GPC6: variants seen among roughly 807,000 people sequenced by gnomAD.
GPC6 encodes the protein glypican 6, also known as glypican-6.
In GPC6, 14 loss-of-function variants were observed where a neutral mutation model predicts 55.2. The ratio of observed to expected loss-of-function variants is 0.25; its 90% CI spans 0.17 to 0.40. The LOEUF (loss-of-function observed/expected upper bound fraction) is 0.40. Among genes scored for constraint, GPC6 ranks in the 10% least tolerant of loss-of-function variants. The pLI is 1.00. For synonymous variants in GPC6, 278 were observed against 259.6 expected, an observed-to-expected ratio of 1.07 and a Z score of -0.68; for missense variants, 641 against 708.5, an observed-to-expected ratio of 0.90 and a Z score of 1.08.
intron 1 of GPC6, among the ~76,000 whole-genome samples, chr13:93,506,178 T>C (rs2139377737): frequency 6.6e-6 from 1 of 152,220 alleles, no homozygotes; most frequent in Non-Finnish European, 1.5e-5. Context: ...CCCACTTCTA[T>C]CATTAATGAA....
At chr13:94,077,485 A>G (rs4771887) in intron 4 of GPC6, among the ~76,000 whole-genome samples, 35,764 of 151,338 alleles carry the variant, frequency 0.24, 4,899 homozygotes, top group African/African-American at 0.37. Context: ...GTTTAATTGC[A>G]CTGGCTAAGA....
intron 4 of GPC6, among the ~76,000 whole-genome samples, chr13:94,029,734 A>G (rs1288356690): frequency 6.6e-6 from 1 of 152,194 alleles, no homozygotes; most frequent in African/African-American, 2.4e-5. Flanking sequence ...GAATGAGAAT[A>G]TAGGCTTTTT....
At chr13:93,669,033 C>A (rs1881254299) in intron 2 of GPC6, among the ~76,000 whole-genome samples, 2 of 152,168 alleles carry the variant, frequency 1.3e-5, no homozygotes, top group Admixed American at 6.5e-5. Context: ...TCAGATGGAG[C>A]CCTGCCATGA....
chr13:93,963,514 C>T (rs952908786), intron 3 of GPC6, among the ~76,000 whole-genome samples: 9 of 152,144 alleles, frequency 5.9e-5, no homozygotes, highest in African/African-American at 1.4e-4. Context: ...GTTATCGATA[C>T]GTAACACTTT....
At chr13:93,742,363 A>T (rs1168798911) in intron 2 of GPC6, among the ~76,000 whole-genome samples, 3 of 152,222 alleles carry the variant, frequency 2.0e-5, no homozygotes, top group Admixed American at 6.5e-5. Context: ...TCATTAAATG[A>T]TAGAGAGTTT....
At chr13:94,056,600 A>C (rs1447928638) in intron 4 of GPC6, among the ~76,000 whole-genome samples, 1 of 152,202 alleles carries the variant, frequency 6.6e-6, no homozygotes, top group Non-Finnish European at 1.5e-5. Context: ...GAGAATCTGG[A>C]AGATGAGCGT....
intron 2 of GPC6, among the ~76,000 whole-genome samples, chr13:93,676,375 C>CCACTA (rs1451577095): frequency 6.6e-6 from 1 of 151,058 alleles, no homozygotes; most frequent in African/African-American, 2.4e-5. Flanking sequence ...TGAGATCACA[C>CCACTA]CACTACACTC....
intron 1 of GPC6, among the ~76,000 whole-genome samples, chr13:93,363,982 G>C (rs1881147241): frequency 6.6e-6 from 1 of 151,948 alleles, no homozygotes; most frequent in African/African-American, 2.4e-5. Flanking sequence ...TGATGGGATT[G>C]TTTGTTTTTT....
chr13:94,081,327 A>G (rs1036973205), intron 4 of GPC6, among the ~76,000 whole-genome samples: 3 of 152,076 alleles, frequency 2.0e-5, no homozygotes, highest in Admixed American at 6.5e-5. Context: ...TTTTTTACCA[A>G]TTCTCTGGAA....
chr13:93,756,566 T>C (rs911039432), intron 2 of GPC6, among the ~76,000 whole-genome samples: 2 of 152,152 alleles, frequency 1.3e-5, no homozygotes, highest in South Asian at 4.1e-4. Context: ...TACTGGGGTG[T>C]TATGTTTGTT....
chr13:93,504,303 G>A (rs1880626001), intron 1 of GPC6, among the ~76,000 whole-genome samples: 1 of 151,990 alleles, frequency 6.6e-6, no homozygotes, highest in African/African-American at 2.4e-5. Flanking sequence ...AATATAGGAT[G>A]CCTGATTAAA....
chr13:93,760,052 G>C (rs1884908325), intron 2 of GPC6, among the ~76,000 whole-genome samples: 1 of 152,008 alleles, frequency 6.6e-6, no homozygotes, highest in African/African-American at 2.4e-5. Flanking sequence ...AATAACAGGG[G>C]CATTAGTTGA....
At chr13:93,414,440 C>G (rs1196688951) in intron 1 of GPC6, among the ~76,000 whole-genome samples, 1 of 152,090 alleles carries the variant, frequency 6.6e-6, no homozygotes, top group African/African-American at 2.4e-5. Flanking sequence ...TCCGGGACTG[C>G]AAAATTGCAC....
chr13:94,288,321 A>C lies in GPC6; in HGVS notation c.1008+1842A>C, dbSNP rs78600307. Among the ~76,000 whole-genome samples the C allele has an allele frequency of 5.1e-3, 773 of 152,098 alleles. 5 individuals are homozygous for C. The highest frequency in any genetic ancestry group is 0.014 in the Middle Eastern group (4 of 294). On this transcript the variant is annotated intron_variant, in intron 5 of 8. Coordinates refer to ENST00000377047, the MANE Select transcript of GPC6 (RefSeq NM_005708.5). ...TTTCTCTAAAAGCAACAGCTTCCTC[A>C]CTGGTCTCCTGGCTTCCACTCTGGA...
chr13:94,027,140 G>C (rs988405830), intron 3 of GPC6, among the ~76,000 whole-genome samples: 11 of 152,120 alleles, frequency 7.2e-5, no homozygotes, highest in Non-Finnish European at 1.3e-4. Context: ...CTGAATTACT[G>C]CAAGGATTGC....
chr13:94,316,793 G>A (rs1876563550), intron 6 of GPC6, among the ~76,000 whole-genome samples: 1 of 151,634 alleles, frequency 6.6e-6, no homozygotes, highest in Non-Finnish European at 1.5e-5. Context: ...CAGACAATAT[G>A]TATTTTAAAT....
At chr13:93,557,146 A>G (rs992691424) in intron 2 of GPC6, among the ~76,000 whole-genome samples, 2 of 152,240 alleles carry the variant, frequency 1.3e-5, no homozygotes, top group African/African-American at 4.8e-5. Context: ...AATAAAATAA[A>G]TTGGAAGTCT....
intron 6 of GPC6, among the ~76,000 whole-genome samples, chr13:94,364,463 T>C (rs1464787407): frequency 6.6e-6 from 1 of 152,204 alleles, no homozygotes; most frequent in Non-Finnish European, 1.5e-5. Flanking sequence ...AGTCCCCCAA[T>C]GCCATATGTC....
At chr13:93,499,287 G>A (rs1040350413) in intron 1 of GPC6, among the ~76,000 whole-genome samples, 6 of 152,164 alleles carry the variant, frequency 3.9e-5, no homozygotes, top group Non-Finnish European at 5.9e-5. Context: ...CTGCTTAGTT[G>A]TCAGAGATCC....
Sources: allele counts gnomAD v4.1 joint callset (sites outside exome capture counted in the v4.1 genomes callset), GRCh38; gene constraint gnomAD v4.1.1; transcripts MANE v1.5; gene names NCBI Gene and HGNC (gene_info 2026-07-23, HGNC 2026-07-21).